Variants in PABIR2 observed in about 807,000 individuals in gnomAD.
PABIR2 encodes the protein PABIR family member 2, also known as family with sequence similarity 122B.
In PABIR2, 7 loss-of-function variants were observed where a neutral mutation model predicts 22.8. The ratio of observed to expected loss-of-function variants is 0.31; its 90% CI spans 0.17 to 0.58. The LOEUF (loss-of-function observed/expected upper bound fraction) is 0.58. Ranked by LOEUF, PABIR2 falls within the 20% of genes least tolerant of loss-of-function variation. The pLI is 0.89. For missense variants in PABIR2, 155 were observed against 205.1 expected, an observed-to-expected ratio of 0.76 and a Z score of 1.49; for synonymous variants, 67 against 73.8, an observed-to-expected ratio of 0.91 and a Z score of 0.47.
At chrX:134,777,331 G>A (rs1337983565) in intron 9 of PABIR2, among the ~76,000 whole-genome samples, 2 of 110,898 alleles carry the variant, frequency 1.8e-5, no homozygotes, top group Non-Finnish European at 3.8e-5. Context: ...GTTCAAGACC[G>A]GCCTGGGCAA....
chrX:134,787,593 G>T, intron 6 of PABIR2, 60 bp from the exon 7 acceptor site: 1 of 604,855 alleles, frequency 1.7e-6, no homozygotes, highest in Non-Finnish European at 2.5e-6. Context: ...AATAGTTCTA[G>T]CACTCCAGTT....
chrX:134,772,808 T>C (rs1205586306), intron 9 of PABIR2, among the ~76,000 whole-genome samples: 1 of 111,570 alleles, frequency 9.0e-6, no homozygotes, highest in Non-Finnish European at 1.9e-5. Flanking sequence ...TTAAATGATT[T>C]CCCCCTCCAA....
At chrX:134,789,780 C>G (rs2079492652) in intron 2 of PABIR2, 144 bp from the exon 3 acceptor site, 1 of 492,912 alleles carries the variant, frequency 2.0e-6, no homozygotes, top group South Asian at 3.6e-5. Context: ...CGTTAATGCA[C>G]TAAAGGCAGT....
chrX:134,793,420 T>G (rs1354042526), intron 2 of PABIR2, among the ~76,000 whole-genome samples: 3 of 112,489 alleles, frequency 2.7e-5, no homozygotes, highest in Admixed American at 9.4e-5. Context: ...GAGTCTTCAT[T>G]TTGGAAAACC....
At chrX:134,785,303 A>G (rs1326856306) in intron 8 of PABIR2, among the ~76,000 whole-genome samples, 1 of 111,845 alleles carries the variant, frequency 8.9e-6, no homozygotes, top group African/African-American at 3.2e-5. Flanking sequence ...GGCTAGGTAT[A>G]AGACCAGAAG....
Position 134,796,474 on chromosome X carries a change from G to A in PABIR2, c.-269C>T. ...TAGTGGTGGAAGGTGACAGAATGAA[G>A]GAAAAGGATGAAGGAAAGAAGGATG... is the stretch of plus-strand genomic sequence containing the variant. On this transcript the variant is annotated 5_prime_UTR_variant, in exon 1 of 10. Transcript: ENST00000343004. 6.3e-6 allele frequency: 2 copies of A among 319,690 alleles called. No homozygotes were observed. The highest frequency in any genetic ancestry group is 1.1e-5 in the Non-Finnish European group (2 of 180,594). 26.3% of individuals were successfully genotyped at this position (319,690 alleles called of 1,213,427 possible). A position where few individuals can be genotyped will look rare whatever the true frequency, so the allele number is the denominator to read the frequency against.
At chrX:134,795,792 G>A (rs1178316763) in intron 1 of PABIR2, among the ~76,000 whole-genome samples, 1 of 111,965 alleles carries the variant, frequency 8.9e-6, no homozygotes, top group African/African-American at 3.2e-5. Flanking sequence ...CAGGGGCTTC[G>A]ATCTGACATT....
chrX:134,791,728 T>TA, intron 2 of PABIR2: 1 of 320,535 alleles, frequency 3.1e-6, no homozygotes. Context: ...CTTTGTAAAG[T>TA]AAGAAGGGTC....
rs2079809688 is a variant in PABIR2 at position 134,796,291 on chromosome X, G to A, written c.-86C>T. On this transcript the variant is annotated 5_prime_UTR_variant, in exon 1 of 10. Coordinates refer to ENST00000343004, the MANE Select transcript of PABIR2 (RefSeq NM_001387468.1). ...CCCAAGACTCTCACTGCAGGACTGA[G>A]CTGCTGGGGACTGGCAGCTGGGGGC... The A allele has an allele frequency of 1.3e-5, 9 of 700,575 alleles. No individual in the cohort carries two copies. Among genetic ancestry groups the A allele is most frequent in the Non-Finnish European group, 1.8e-5 (9 of 488,978 alleles). The allele number at this position is 700,575 out of a possible 1,213,427, so 57.7% of individuals were successfully genotyped here.
chrX:134,771,011 G>T lies in PABIR2; in HGVS notation c.*1128C>A. On this transcript the variant is annotated 3_prime_UTR_variant, in exon 10 of 10. Transcript: ENST00000343004. ...CTATAAGGCAGTAAGAACAAGAACTGGATTCTGATTCTGGCAGCAACACAA... is the reference window on the plus strand; with the variant it reads ...CTATAAGGCAGTAAGAACAAGAACTTGATTCTGATTCTGGCAGCAACACAA... The T allele has an allele frequency of 4.2e-6, 1 of 240,727 alleles. No individual in the cohort carries two copies. The highest frequency in any genetic ancestry group is 7.4e-6 in the Non-Finnish European group (1 of 134,882). The allele number at this position is 240,727 out of a possible 1,213,427, so 19.8% of individuals were successfully genotyped here.
At chrX:134,778,159 G>A (rs1416426216) in intron 9 of PABIR2, among the ~76,000 whole-genome samples, 1 of 102,776 alleles carries the variant, frequency 9.7e-6, no homozygotes, top group Non-Finnish European at 2.0e-5. Context: ...CTCCCAAAGT[G>A]TTGGGATTAC....
rs1247638700 is a variant in PABIR2 at position 134,770,208 on chromosome X, G to A, written c.*1931C>T. ...GACAAAACCATCTATTATCATTATAGAGGCAGAACATTTTGACATGATCTT... is the reference window on the plus strand; with the variant it reads ...GACAAAACCATCTATTATCATTATAAAGGCAGAACATTTTGACATGATCTT... On this transcript the variant is annotated 3_prime_UTR_variant, in exon 10 of 10. Transcript: ENST00000343004. 8.9e-6 allele frequency: 1 copy of A among 112,353 alleles called. No individual in the cohort carries two copies. The highest frequency in any genetic ancestry group is 3.2e-5 in the African/African-American group (1 of 30,825). The allele number at this position is 112,353 out of a possible 1,213,427, so 9.3% of individuals were successfully genotyped here. A position where few individuals can be genotyped will look rare whatever the true frequency, so the allele number is the denominator to read the frequency against.
chrX:134,771,008 A>C lies in PABIR2; in HGVS notation c.*1131T>G. On this transcript the variant is annotated 3_prime_UTR_variant, in exon 10 of 10. Transcript: ENST00000343004. ...TAACTATAAGGCAGTAAGAACAAGA[A>C]CTGGATTCTGATTCTGGCAGCAACA... The C allele has an allele frequency of 4.2e-6, 1 of 238,998 alleles. No individual in the cohort carries two copies. The highest frequency in any genetic ancestry group is 7.5e-6 in the Non-Finnish European group (1 of 133,706). The allele number at this position is 238,998 out of a possible 1,213,427, so 19.7% of individuals were successfully genotyped here.
At chrX:134,791,017 A>G (rs1256324805) in intron 2 of PABIR2, among the ~76,000 whole-genome samples, 1 of 112,241 alleles carries the variant, frequency 8.9e-6, no homozygotes, top group Non-Finnish European at 1.9e-5. Context: ...AAGCAGTGAA[A>G]TGATCAGGAA....
In PABIR2 at chrX:134,771,148, CT is replaced by C; in HGVS notation, c.*990del. 6.8e-6 allele frequency: 3 copies of C among 439,013 alleles called. No homozygotes were observed. The highest frequency in any genetic ancestry group is 1.0e-5 in the Non-Finnish European group (3 of 289,036). The allele number at this position is 439,013 out of a possible 1,213,427, so 36.2% of individuals were successfully genotyped here. ...TGTGGCAATCATTCACATAAGGCCCCTCTTCCACCATACCTTATGATATACA... is the reference window on the plus strand; with the variant it reads ...TGTGGCAATCATTCACATAAGGCCCCCTTCCACCATACCTTATGATATACA... On this transcript the variant is annotated 3_prime_UTR_variant, in exon 10 of 10. Transcript: ENST00000343004.
chrX:134,781,164 G>A (rs1488075884), intron 9 of PABIR2, among the ~76,000 whole-genome samples: 1 of 112,753 alleles, frequency 8.9e-6, no homozygotes. Flanking sequence ...CCTAACAGGA[G>A]CTGGGAACGA....
chrX:134,784,195 C>T (rs1237296279), intron 8 of PABIR2, among the ~76,000 whole-genome samples: 9 of 110,144 alleles, frequency 8.2e-5, no homozygotes, highest in Middle Eastern at 4.4e-3. Flanking sequence ...GCCGGCTGGG[C>T]GTGGTGGCTC....
chrX:134,777,219 T>G (rs893306109), intron 9 of PABIR2, among the ~76,000 whole-genome samples: 1 of 112,403 alleles, frequency 8.9e-6, no homozygotes, highest in Non-Finnish European at 1.9e-5. Context: ...TTCTGATTAA[T>G]GAAACTACAT....
intron 9 of PABIR2, among the ~76,000 whole-genome samples, chrX:134,776,157 T>C (rs1180095337): frequency 4.5e-5 from 5 of 110,255 alleles, no homozygotes; most frequent in African/African-American, 1.7e-4. Flanking sequence ...TCCTGTTAAT[T>C]AATGATTAAA....
Sources: gnomAD v4.1 joint callset for allele counts (sites outside exome capture counted in the v4.1 genomes callset) on GRCh38, gnomAD v4.1.1 for gene constraint, MANE v1.5 for transcripts, NCBI Gene and HGNC (gene_info 2026-07-23, HGNC 2026-07-21) for gene names.